Variants in TBL1Y observed in about 807,000 individuals in gnomAD.
TBL1Y encodes F-box-like/WD repeat-containing protein TBL1Y.
In TBL1Y, 15 loss-of-function variants were observed where a neutral mutation model predicts 12.0. That is an observed-to-expected ratio of 1.25 (90% CI 0.83 to 1.92). The LOEUF (loss-of-function observed/expected upper bound fraction) is 1.92. TBL1Y is among the 40% of genes most tolerant of loss of function. The pLI, the probability that TBL1Y is intolerant of heterozygous loss-of-function variation, is 0.00. For missense variants in TBL1Y, 148 were observed against 116.7 expected (o/e 1.27, Z -1.24); for synonymous variants, 53 against 42.6 (o/e 1.24, Z -0.95).
At chrY:7,034,616 T>G (rs2012676787) in intron 6 of TBL1Y, among the ~76,000 whole-genome samples, 1 of 33,332 alleles carries the variant, frequency 3.0e-5, no homozygotes. Flanking sequence ...AGAATGGTAC[T>G]GGTATCAAAA....
chrY:7,025,366 G>A (rs1603040270), intron 6 of TBL1Y, among the ~76,000 whole-genome samples: 1 of 33,777 alleles, frequency 3.0e-5, no homozygotes, highest in Non-Finnish European at 7.3e-5. Flanking sequence ...ACACACAGCT[G>A]TTTTCCTAAC....
At chrY:7,063,450 A>T (rs770773719) in intron 7 of TBL1Y, among the ~76,000 whole-genome samples, 1 of 32,894 alleles carries the variant, frequency 3.0e-5, no homozygotes, top group East Asian at 8.3e-4. Flanking sequence ...AGAGAGTGAC[A>T]GGGTGATTGG....
At chrY:6,971,618 G>A in intron 2 of TBL1Y, among the ~76,000 whole-genome samples, 2 of 32,464 alleles carry the variant, frequency 6.2e-5, no homozygotes, top group Admixed American at 2.9e-4. Flanking sequence ...GACAGAGCGG[G>A]GGAGAGAGAG....
chrY:6,974,696 T>A (rs2012227164), intron 2 of TBL1Y, among the ~76,000 whole-genome samples: 1 of 34,443 alleles, frequency 2.9e-5, no homozygotes, highest in Admixed American at 2.6e-4. Context: ...ATCTAGGTGA[T>A]CTGTGAAACT....
At chrY:7,090,234 A>T in intron 18 of TBL1Y, 44 bp downstream of exon 18, 1 of 329,639 alleles carries the variant, frequency 3.0e-6, no homozygotes, top group Non-Finnish European at 4.4e-6. Context: ...GTGTTGGGGG[A>T]GGGGGATAAG....
chrY:6,977,470 A>G (rs2012251973), intron 2 of TBL1Y, among the ~76,000 whole-genome samples: 1 of 33,148 alleles, frequency 3.0e-5, no homozygotes, highest in Non-Finnish European at 7.4e-5. Context: ...GAACATCTCC[A>G]GACATTGTCA....
chrY:6,950,630 A>G, intron 2 of TBL1Y, among the ~76,000 whole-genome samples: 1 of 33,742 alleles, frequency 3.0e-5, no homozygotes, highest in Non-Finnish European at 7.4e-5. Flanking sequence ...AATATTATAT[A>G]TGTCACTTAG....
intron 3 of TBL1Y, among the ~76,000 whole-genome samples, chrY:6,979,042 C>G (rs1603032974): frequency 9.3e-5 from 3 of 32,404 alleles, no homozygotes; most frequent in Non-Finnish European, 2.2e-4. Flanking sequence ...TCAAGTGATT[C>G]TCCTGCCTCA....
At chrY:6,932,875 A>G in intron 2 of TBL1Y, among the ~76,000 whole-genome samples, 2 of 31,111 alleles carry the variant, frequency 6.4e-5, no homozygotes, top group African/African-American at 2.5e-4. Flanking sequence ...TCTTATTCCT[A>G]TCTCTATAGA....
intron 6 of TBL1Y, among the ~76,000 whole-genome samples, chrY:7,031,615 A>ACCTCACAAGACTCC (rs2012656633): frequency 3.0e-5 from 1 of 32,988 alleles, no homozygotes; most frequent in East Asian, 8.0e-4. Flanking sequence ...TCCAAGACTG[A>ACCTCACAAGACTCC]CCTCACACTT....
intron 14 of TBL1Y, among the ~76,000 whole-genome samples, chrY:7,085,282 G>A (rs933848899): frequency 2.6e-4 from 8 of 31,039 alleles, no homozygotes; most frequent in Non-Finnish European, 4.7e-4. Context: ...TGGAGGCCAA[G>A]GTGGGGATTG....
chrY:7,036,733 T>G (rs1053760716), intron 6 of TBL1Y, among the ~76,000 whole-genome samples: 5 of 33,501 alleles, frequency 1.5e-4, no homozygotes, highest in Non-Finnish European at 3.7e-4. Flanking sequence ...ACTTGAGAAT[T>G]ACTGGTCCAG....
intron 4 of TBL1Y, among the ~76,000 whole-genome samples, chrY:7,011,881 AC>A (rs2012521056): frequency 3.0e-5 from 1 of 33,888 alleles, no homozygotes; most frequent in African/African-American, 1.2e-4. Context: ...ACATCTGTTT[AC>A]ATAAACACAC....
rs751440680 is a variant in TBL1Y at position 6,923,809 on chromosome Y, G to A, written c.-266+11637G>A. Among the ~76,000 whole-genome samples the A allele has an allele frequency of 6.0e-3, 199 of 33,187 alleles. No homozygotes were observed. The East Asian group carries it at 0.14, about 24-fold the overall frequency. 89.0% of individuals were successfully genotyped at this position (33,187 alleles called of 37,273 possible). A position where few individuals can be genotyped will look rare whatever the true frequency, so the allele number is the denominator to read the frequency against. ...TGGGATTACAGGCGTAAGCCACCACGCTGGGCCTATAACAAACGATTTACT... is the reference window on the plus strand; with the variant it reads ...TGGGATTACAGGCGTAAGCCACCACACTGGGCCTATAACAAACGATTTACT... On this transcript the variant is annotated intron_variant, in intron 2 of 18. Transcript: ENST00000383032.
chrY:7,042,943 G>T (rs1380658264), intron 6 of TBL1Y, 37 bp from the exon 7 acceptor site: 1 of 397,759 alleles, frequency 2.5e-6, no homozygotes, highest in Non-Finnish European at 3.5e-6. Context: ...CTTCAATTTG[G>T]GTCTCACTCA....
intron 4 of TBL1Y, among the ~76,000 whole-genome samples, chrY:7,020,954 G>T: frequency 1.2e-4 from 4 of 32,905 alleles, no homozygotes; most frequent in Non-Finnish European, 3.0e-4. Flanking sequence ...GCACCAACAT[G>T]CACTCTGGGG....
intron 7 of TBL1Y, 59 bp from the exon 8 acceptor site, chrY:7,063,838 C>A (rs762303903): frequency 2.6e-6 from 1 of 386,157 alleles, no homozygotes; most frequent in Admixed American, 7.6e-5. Context: ...AGAGTAGAGA[C>A]CATTCCCAGA....
intron 7 of TBL1Y, among the ~76,000 whole-genome samples, chrY:7,054,705 T>C (rs2012817191): frequency 2.9e-5 from 1 of 34,298 alleles, no homozygotes; most frequent in Non-Finnish European, 7.3e-5. Flanking sequence ...CTGATCAGGC[T>C]AAAGGCTTGC....
intron 7 of TBL1Y, among the ~76,000 whole-genome samples, chrY:7,045,238 C>G (rs2124163665): frequency 3.0e-5 from 1 of 33,273 alleles, no homozygotes; most frequent in South Asian, 7.1e-4. Flanking sequence ...TGGAAGTACA[C>G]TCCACAGTCG....
Sources: gnomAD v4.1 joint callset for allele counts (sites outside exome capture counted in the v4.1 genomes callset) on GRCh38, gnomAD v4.1.1 for gene constraint, MANE v1.5 for transcripts, NCBI Gene and HGNC (gene_info 2026-07-23, HGNC 2026-07-21) for gene names.